The following MROH7 variants were observed in gnomAD, a reference collection of about 807,000 sequenced individuals.
MROH7 encodes maestro heat-like repeat-containing protein family member 7.
A neutral mutation model predicts 129.2 loss-of-function variants in MROH7; 113 were observed. The observed-to-expected ratio is 0.87, with a 90% CI of 0.75 to 1.02. The LOEUF (loss-of-function observed/expected upper bound fraction) is 1.02, where lower values mean the gene tolerates loss of function less well. MROH7 is among the 50% of genes least tolerant of loss of function. The pLI is 0.00. For missense variants in MROH7, 1,601 were observed against 1,671.3 expected (o/e 0.96, Z 0.73); for synonymous variants, 655 against 667.9 (o/e 0.98, Z 0.30).
rs949088461 is a variant in MROH7 at position 54,669,047 on chromosome 1, G to A, written c.1389+110G>A. On this transcript the variant is annotated intron_variant, in intron 5 of 23. Coordinates refer to ENST00000421030, the MANE Select transcript of MROH7 (RefSeq NM_001039464.4). ...TGGGAGGTTGAGGTAGGAAGAGGAC[G>A]GGATGAGGAGGCAGGACATCGGGAA... 9.3e-5 allele frequency: 68 copies of A among 728,320 alleles called. No homozygotes were observed. The African/African-American group carries it at 1.2e-3, about 12-fold the overall frequency. 45.1% of individuals were successfully genotyped at this position (728,320 alleles called of 1,614,324 possible). A position where few individuals can be genotyped will look rare whatever the true frequency, so the allele number is the denominator to read the frequency against.
chr1:54,697,656 C>G (rs1197019005), intron 17 of MROH7: 6 of 703,178 alleles, frequency 8.5e-6, no homozygotes, highest in African/African-American at 1.7e-5. Flanking sequence ...TGCACAGCAA[C>G]CCTGCGAAGA....
chr1:54,665,712 T>A (rs1391872039), intron 4 of MROH7: 3 of 157,936 alleles, frequency 1.9e-5, no homozygotes, highest in African/African-American at 7.2e-5. Flanking sequence ...GACTTGGAGA[T>A]GGCCAGTGGG....
intron 3 of MROH7, among the ~76,000 whole-genome samples, chr1:54,660,577 G>T (rs1057241918): frequency 1.3e-5 from 2 of 152,230 alleles, no homozygotes; most frequent in African/African-American, 2.4e-5. Flanking sequence ...ACTTTGGGAG[G>T]CTGAGGCAGG....
At chr1:54,682,552 C>A in intron 13 of MROH7, 104 bp from the exon 14 acceptor site, 1 of 1,140,678 alleles carries the variant, frequency 8.8e-7, no homozygotes, top group Non-Finnish European at 1.3e-6. Flanking sequence ...CCCATGGATG[C>A]CATTTCATTG....
intron 17 of MROH7, chr1:54,699,723 G>A: frequency 4.1e-6 from 1 of 246,338 alleles, no homozygotes. Flanking sequence ...TGTCCTCAGG[G>A]AAATCCCCTG....
intron 13 of MROH7, among the ~76,000 whole-genome samples, chr1:54,681,698 T>G (rs1332827910): frequency 6.6e-6 from 1 of 152,154 alleles, no homozygotes; most frequent in African/African-American, 2.4e-5. Flanking sequence ...TTTGGTTGGG[T>G]GCAGATGCTT....
chr1:54,701,961 G>A, intron 19 of MROH7, 129 bp from the exon 20 acceptor site: 1 of 739,348 alleles, frequency 1.4e-6, no homozygotes, highest in Admixed American at 3.9e-5. Flanking sequence ...AGGTTAGTGG[G>A]GGTCTGGCTG....
At chr1:54,654,953 T>C (rs546840601) in intron 3 of MROH7, among the ~76,000 whole-genome samples, 1 of 152,192 alleles carries the variant, frequency 6.6e-6, no homozygotes, top group South Asian at 2.1e-4. Context: ...CAATACTATA[T>C]TAAGATTTTT....
Position 54,706,547 on chromosome 1 carries a change from C to T in MROH7, c.3667+10C>T, listed in dbSNP as rs1645537479. On this transcript the variant is annotated intron_variant, in intron 22 of 23. Transcript: ENST00000421030. ...TCAGTCATGTTCATAGGTAACCTGC[C>T]CTGGCATAAGTCATCCTGCTGCCAG... The T allele has an allele frequency of 6.2e-7, 1 of 1,600,076 alleles. No individual in the cohort carries two copies. The highest frequency in any genetic ancestry group is 8.6e-7 in the Non-Finnish European group (1 of 1,167,844).
intron 1 of MROH7, among the ~76,000 whole-genome samples, chr1:54,642,390 CAT>C (rs1362281938): frequency 6.6e-6 from 1 of 152,152 alleles, no homozygotes; most frequent in Non-Finnish European, 1.5e-5. Flanking sequence ...TGGATGTTGG[CAT>C]TATAGCTGGG....
At chr1:54,702,036 C>CAGTG (rs1365500492) in intron 19 of MROH7, 54 bp from the exon 20 acceptor site, 13 of 1,448,588 alleles carry the variant, frequency 9.0e-6, no homozygotes, top group Non-Finnish European at 1.2e-5. Context: ...GAATCAGCCG[C>CAGTG]AGTGAGTGGC....
intron 23 of MROH7, 55 bp from the exon 24 acceptor site, chr1:54,709,891 A>G (rs1645595648): frequency 6.3e-7 from 1 of 1,581,464 alleles, no homozygotes; most frequent in Non-Finnish European, 8.6e-7. Context: ...TAGGTATGAG[A>G]CCCACATAGG....
chr1:54,696,392 T>C (rs556864052), intron 17 of MROH7, among the ~76,000 whole-genome samples: 2 of 152,326 alleles, frequency 1.3e-5, no homozygotes, highest in African/African-American at 4.8e-5. Context: ...ACATTCATAT[T>C]GTTATGCAAC....
At chr1:54,646,160 G>A (rs1644464187) in intron 1 of MROH7, among the ~76,000 whole-genome samples, 1 of 152,182 alleles carries the variant, frequency 6.6e-6, no homozygotes, top group Non-Finnish European at 1.5e-5. Flanking sequence ...GGGTGGGGGA[G>A]GCCAGAAGAT....
At position 54,679,312 on chromosome 1, in the gene MROH7, C is replaced by A. The variant is rs1047074994; in HGVS notation, c.2099C>A (p.Ala700Asp). 6.2e-7 allele frequency: 1 copy of A among 1,614,170 alleles called. No homozygotes were observed. The highest frequency in any genetic ancestry group is 8.5e-7 in the Non-Finnish European group (1 of 1,180,040). ...GPQQIKDLLL[A>D]ALEGLKGSSE... is the part of the protein sequence containing the mutation. Reference sequence around the variant, plus strand: ...CAGCAGATAAAGGACCTGCTGCTGGCCGCCCTGGAAGGGCTGAAAGGCAGC... The same window carrying A: ...CAGCAGATAAAGGACCTGCTGCTGGACGCCCTGGAAGGGCTGAAAGGCAGC... The change falls in exon 12 of 24, where the codon GCC becomes GAC. Residue 700 changes from alanine to aspartate, a missense_variant. By Grantham distance (126) the Ala-to-Asp change is moderately radical. Coordinates refer to ENST00000421030, the MANE Select transcript of MROH7 (RefSeq NM_001039464.4).
chr1:54,706,886 G>A (rs1227307748), intron 22 of MROH7, among the ~76,000 whole-genome samples: 2 of 152,164 alleles, frequency 1.3e-5, no homozygotes, highest in Non-Finnish European at 2.9e-5. Flanking sequence ...GGGCCAAGCA[G>A]CATGGTGAAA....
intron 17 of MROH7, chr1:54,698,047 T>C (rs1645350442): frequency 4.3e-6 from 1 of 233,372 alleles, no homozygotes; most frequent in African/African-American, 2.2e-5. Flanking sequence ...AGCCCCACCA[T>C]TAAAGCCGTG....
chr1:54,651,083 C>T (rs549623893), intron 1 of MROH7, among the ~76,000 whole-genome samples: 1 of 152,312 alleles, frequency 6.6e-6, no homozygotes, highest in African/African-American at 2.4e-5. Flanking sequence ...CTCCCTGGCC[C>T]TTCCCCCACC....
In MROH7 at chr1:54,682,808, C is replaced by A; in HGVS notation, c.2520+14C>A. ...GTGCCCCTGGCGGTGAGCACCCAGT[C>A]AGCCAGCCCCTATTGCTGCCTGTCC... On this transcript the variant is annotated intron_variant, in intron 14 of 23. Coordinates refer to ENST00000421030, the MANE Select transcript of MROH7 (RefSeq NM_001039464.4). The A allele has an allele frequency of 6.2e-7, 1 of 1,607,296 alleles. No individual in the cohort carries two copies. Among genetic ancestry groups the A allele is most frequent in the South Asian group, 1.1e-5 (1 of 90,566 alleles).
Sources: gnomAD v4.1 joint callset for allele counts (sites outside exome capture counted in the v4.1 genomes callset) on GRCh38, gnomAD v4.1.1 for gene constraint, MANE v1.5 for transcripts, NCBI Gene and HGNC (gene_info 2026-07-23, HGNC 2026-07-21) for gene names.